Variants in KCNMA1 observed in about 807,000 individuals in gnomAD.
KCNMA1 encodes the protein Calcium-activated potassium channel subunit alpha-1.
In KCNMA1, 29 loss-of-function variants were observed where a neutral mutation model predicts 140.0. The ratio of observed to expected loss-of-function variants is 0.21; its 90% CI spans 0.15 to 0.28. The LOEUF (loss-of-function observed/expected upper bound fraction) is 0.28. KCNMA1 is among the 10% of genes least tolerant of loss of function. KCNMA1 has a pLI of 1.00. For synonymous variants in KCNMA1, 612 were observed against 611.9 expected (o/e 1.00, Z 0.00); for missense variants, 880 against 1,602.2 (o/e 0.55, Z 7.70).
intron 3 of KCNMA1, among the ~76,000 whole-genome samples, chr10:77,221,439 A>T (rs1040125087): frequency 3.3e-5 from 5 of 152,164 alleles, no homozygotes; most frequent in African/African-American, 1.2e-4. Context: ...AAAAAAAATC[A>T]GAAAGAATGA....
chr10:76,922,064 C>A (rs1206161890), intron 23 of KCNMA1, among the ~76,000 whole-genome samples: 1 of 152,156 alleles, frequency 6.6e-6, no homozygotes, highest in African/African-American at 2.4e-5. Flanking sequence ...GGGAAATGCC[C>A]CTGCCAATTT....
At chr10:77,291,599 C>T (rs1418525648) in intron 2 of KCNMA1, among the ~76,000 whole-genome samples, 1 of 152,122 alleles carries the variant, frequency 6.6e-6, no homozygotes, top group Non-Finnish European at 1.5e-5. Flanking sequence ...GGTGGCCAAC[C>T]ACCTCTTTTG....
At chr10:77,632,536 A>G (rs1344721229) in intron 1 of KCNMA1, among the ~76,000 whole-genome samples, 2 of 152,188 alleles carry the variant, frequency 1.3e-5, no homozygotes, top group East Asian at 3.9e-4. Context: ...CCATCCTGCC[A>G]GGACCCCATC....
chr10:77,226,740 T>G (rs2051572438), intron 3 of KCNMA1, among the ~76,000 whole-genome samples: 1 of 152,150 alleles, frequency 6.6e-6, no homozygotes, highest in African/African-American at 2.4e-5. Flanking sequence ...ACTTGATGCT[T>G]TCAGAAGAGA....
chr10:76,881,565 A>G (rs1227674077), downstream of KCNMA1, among the ~76,000 whole-genome samples: 3 of 152,180 alleles, frequency 2.0e-5, no homozygotes, highest in African/African-American at 7.2e-5. Flanking sequence ...TTGAGTTTGT[A>G]TAGGTAACTA....
At chr10:77,037,243 T>G (rs2094394628) in intron 15 of KCNMA1, among the ~76,000 whole-genome samples, 1 of 152,156 alleles carries the variant, frequency 6.6e-6, no homozygotes, top group Non-Finnish European at 1.5e-5. Context: ...GCCTGGGATT[T>G]ATGTGCAAAT....
chr10:76,995,936 C>T (rs979033829), intron 19 of KCNMA1, among the ~76,000 whole-genome samples: 1 of 152,158 alleles, frequency 6.6e-6, no homozygotes, highest in Non-Finnish European at 1.5e-5. Context: ...TTTCCCAATC[C>T]TGTTTCAAAG....
intron 19 of KCNMA1, among the ~76,000 whole-genome samples, chr10:76,981,564 G>T (rs1661070356): frequency 6.6e-6 from 1 of 152,102 alleles, no homozygotes; most frequent in Non-Finnish European, 1.5e-5. Context: ...ACACATGGGA[G>T]ACAGAAGAAG....
At chr10:76,940,718 T>G (rs61867154) in intron 23 of KCNMA1, among the ~76,000 whole-genome samples, 57,362 of 151,816 alleles carry the variant, frequency 0.38, 12,405 homozygotes, top group Non-Finnish European at 0.49. Flanking sequence ...CCCAGCACTT[T>G]GGGAGGCCAA....
At chr10:77,481,730 G>A (rs940127753) in intron 1 of KCNMA1, among the ~76,000 whole-genome samples, 5 of 145,414 alleles carry the variant, frequency 3.4e-5, no homozygotes, top group Admixed American at 2.1e-4. Flanking sequence ...AGCCGAGATC[G>A]CACCACTGCA....
At chr10:77,046,718 G>T (rs1224368199) in intron 14 of KCNMA1, among the ~76,000 whole-genome samples, 1 of 152,204 alleles carries the variant, frequency 6.6e-6, no homozygotes, top group Non-Finnish European at 1.5e-5. Flanking sequence ...AGGGCATGTG[G>T]TTATCTCCTT....
chr10:77,279,133 G>A (rs951593480), intron 2 of KCNMA1, among the ~76,000 whole-genome samples: 1 of 152,114 alleles, frequency 6.6e-6, no homozygotes, highest in African/African-American at 2.4e-5. Context: ...ATTAAGCTTC[G>A]ACAAGACCAA....
At chr10:77,451,631 G>C (rs1047766269) in intron 1 of KCNMA1, among the ~76,000 whole-genome samples, 1 of 152,152 alleles carries the variant, frequency 6.6e-6, no homozygotes, top group Admixed American at 6.5e-5. Flanking sequence ...TTGAAGTCTA[G>C]GTGTATTCAA....
At chr10:77,310,687 T>C (rs2079031430) in intron 2 of KCNMA1, among the ~76,000 whole-genome samples, 1 of 152,160 alleles carries the variant, frequency 6.6e-6, no homozygotes, top group South Asian at 2.1e-4. Context: ...ATGGAGATTG[T>C]TTTAAGATCA....
chr10:77,252,957 C>T (rs1472152054), intron 2 of KCNMA1, among the ~76,000 whole-genome samples: 3 of 152,016 alleles, frequency 2.0e-5, no homozygotes, highest in African/African-American at 7.2e-5. Context: ...CAGCACTAAT[C>T]CCTCTTAGCT....
chr10:77,352,137 C>T (rs989718907), intron 2 of KCNMA1, among the ~76,000 whole-genome samples: 14 of 152,210 alleles, frequency 9.2e-5, no homozygotes, highest in Admixed American at 1.3e-4. Context: ...ATGTGCTGTC[C>T]GCGTGCAGGG....
At chr10:77,494,241 C>T (rs1201112760) in intron 1 of KCNMA1, among the ~76,000 whole-genome samples, 2 of 152,010 alleles carry the variant, frequency 1.3e-5, no homozygotes, top group Non-Finnish European at 2.9e-5. Context: ...TGGCATTTCG[C>T]CAATTGGACC....
chr10:77,613,084 C>A (rs576387387), intron 1 of KCNMA1, among the ~76,000 whole-genome samples: 33 of 152,324 alleles, frequency 2.2e-4, no homozygotes, highest in Middle Eastern at 3.4e-3. Context: ...TGGCCCTCCC[C>A]AAAACCCCAC....
At chr10:77,012,298 G>T (rs1319003994) in intron 17 of KCNMA1, 1 of 1,462,116 alleles carries the variant, frequency 6.8e-7, no homozygotes, top group Non-Finnish European at 9.0e-7. Context: ...GAAAAAAGTT[G>T]CTGATGTGAC....
Sources: gnomAD v4.1 joint callset for allele counts (sites outside exome capture counted in the v4.1 genomes callset) on GRCh38, gnomAD v4.1.1 for gene constraint, MANE v1.5 for transcripts, NCBI Gene and HGNC (gene_info 2026-07-23, HGNC 2026-07-21) for gene names.